The following ABCE1 variants were observed in gnomAD, a reference collection of about 807,000 sequenced individuals.
ABCE1 encodes the protein ATP-binding cassette sub-family E member 1.
ABCE1 carries 22 observed loss-of-function variants against 83.4 expected under a neutral mutation model. That is an observed-to-expected ratio of 0.26 (90% CI 0.19 to 0.38). The LOEUF is 0.38. Ranked by LOEUF, ABCE1 falls within the 10% of genes least tolerant of loss-of-function variation. The probability of loss-of-function intolerance (pLI) is 1.00; values close to 1 mark genes in which losing one functional copy is unlikely to be tolerated. For missense variants in ABCE1, 330 were observed against 721.9 expected (o/e 0.46, Z 6.22); for synonymous variants, 204 against 233.7 (o/e 0.87, Z 1.16).
intron 15 of ABCE1, 35 bp from the exon 16 acceptor site, chr4:145,123,443 G>T: frequency 6.3e-7 from 1 of 1,590,332 alleles, no homozygotes; most frequent in Non-Finnish European, 8.6e-7. Flanking sequence ...TTTTATGATA[G>T]AAAGCTATAA....
chr4:145,112,797 G>GT (rs1441686553), intron 9 of ABCE1, among the ~76,000 whole-genome samples: 19 of 152,260 alleles, frequency 1.2e-4, no homozygotes, highest in African/African-American at 4.6e-4. Flanking sequence ...GGTTTGTAGA[G>GT]TTTTCAGATT....
intron 10 of ABCE1, among the ~76,000 whole-genome samples, chr4:145,117,804 A>C (rs1749643890): frequency 6.6e-6 from 1 of 151,780 alleles, no homozygotes; most frequent in African/African-American, 2.4e-5. Flanking sequence ...TCATGTTTTA[A>C]ATTTATCTGT....
chr4:145,117,365 T>G lies in ABCE1; in HGVS notation c.873T>G (p.Gly291=), dbSNP rs778011686. 7 of 1,611,288 alleles carry G rather than the reference T, an allele frequency of 4.3e-6. No individual in the cohort carries two copies. In the East Asian group the frequency reaches 1.6e-4, roughly 36 times the overall value. The part of the protein sequence containing the change: ...YLSDFICCLY[G]VPSAYGVVTM... ...CCGACTTCATCTGCTGTTTATATGG[T>G]GTACCAAGCGCCTATGGAGTTGTCA... Residue 291 remains glycine (G), a synonymous_variant, in exon 10 of 18, where the codon GGT becomes GGG. Coordinates refer to ENST00000296577, the MANE Select transcript of ABCE1 (RefSeq NM_002940.3).
rs187679286 is a variant in ABCE1, at chr4:145,098,331, C to G, written c.-116C>G. ...TGGGCACCGCCATTTTGGCCGGTGG[C>G]CGTGAGAACACGCTGTGTGGCTGAA... On this transcript the variant is annotated 5_prime_UTR_variant, in exon 1 of 18. Coordinates refer to ENST00000296577, the MANE Select transcript of ABCE1 (RefSeq NM_002940.3). 13 of 152,560 alleles carry G rather than the reference C, an allele frequency of 8.5e-5. No homozygotes were observed. Among genetic ancestry groups the G allele is most frequent in the Admixed American group, 7.2e-4 (11 of 15,306 alleles). 9.5% of individuals were successfully genotyped at this position (152,560 alleles called of 1,614,324 possible).
intron 8 of ABCE1, 123 bp downstream of exon 8, chr4:145,111,187 C>T (rs917872890): frequency 8.4e-6 from 5 of 596,884 alleles, no homozygotes; most frequent in South Asian, 2.7e-5. Context: ...TTCCTAATTT[C>T]GAGGTAAGAT....
chr4:145,104,419 G>A lies in ABCE1; in HGVS notation c.7G>A (p.Asp3Asn), dbSNP rs1240044419. 1 of 1,597,882 alleles carries A rather than the reference G, an allele frequency of 6.3e-7. No individual in the cohort carries two copies. Among genetic ancestry groups the A allele is most frequent in the South Asian group, 1.1e-5 (1 of 88,302 alleles). Reference sequence around the variant, plus strand: ...GATATTCTTTCGCCCAGTTATGGCAGACAAGTTAACGAGAATTGCTATTGT... The same window carrying A: ...GATATTCTTTCGCCCAGTTATGGCAAACAAGTTAACGAGAATTGCTATTGT... MA[D>N]KLTRIAIVNH... Residue 3 changes from aspartate (D) to asparagine (N), a missense_variant, in exon 2 of 18, where the codon GAC becomes AAC. Transcript: ENST00000296577.
intron 10 of ABCE1, 28 bp from the exon 11 acceptor site, chr4:145,119,904 T>C (rs1263991814): frequency 6.4e-7 from 1 of 1,563,904 alleles, no homozygotes; most frequent in Non-Finnish European, 8.8e-7. Flanking sequence ...TAATGATTTC[T>C]CCCGGTTGAC....
At chr4:145,124,517 T>G (rs761420658) in intron 16 of ABCE1, among the ~76,000 whole-genome samples, 2 of 152,152 alleles carry the variant, frequency 1.3e-5, no homozygotes, top group Non-Finnish European at 2.9e-5. Flanking sequence ...ATTTAAGAAC[T>G]CACTTGGGTA....
chr4:145,106,177 T>C (rs1749297347), intron 3 of ABCE1, among the ~76,000 whole-genome samples: 1 of 152,002 alleles, frequency 6.6e-6, no homozygotes, highest in Non-Finnish European at 1.5e-5. Context: ...ATTAGGCTTT[T>C]GACTCATGAA....
intron 9 of ABCE1, among the ~76,000 whole-genome samples, chr4:145,112,942 C>T (rs1222091024): frequency 1.3e-5 from 2 of 152,120 alleles, no homozygotes; most frequent in Non-Finnish European, 2.9e-5. Context: ...AAAGCTGTGA[C>T]CAGACCCCAG....
chr4:145,105,137 C>T (rs35771064), intron 2 of ABCE1, among the ~76,000 whole-genome samples: 4 of 151,964 alleles, frequency 2.6e-5, no homozygotes, highest in African/African-American at 9.7e-5. Context: ...TTCCATTATC[C>T]CTACTACCAT....
chr4:145,108,834 G>A, intron 4 of ABCE1, among the ~76,000 whole-genome samples: 1 of 152,124 alleles, frequency 6.6e-6, no homozygotes, highest in East Asian at 1.9e-4. Flanking sequence ...TATATGTAAA[G>A]AAGAAATTTA....
chr4:145,105,233 C>T (rs1472808700), intron 2 of ABCE1, among the ~76,000 whole-genome samples: 1 of 152,010 alleles, frequency 6.6e-6, no homozygotes, highest in African/African-American at 2.4e-5. Context: ...GTTTAATGCT[C>T]TGCCTTACCA....
Position 145,110,147 on chromosome 4 carries a change from T to G in ABCE1, c.450T>G (p.Ser150=). 6.2e-7 allele frequency: 1 copy of G among 1,604,424 alleles called. No individual in the cohort carries two copies. Among genetic ancestry groups the G allele is most frequent in the Non-Finnish European group, 8.5e-7 (1 of 1,177,034 alleles). Residue 150 remains serine (S), a synonymous_variant, in exon 6 of 18, where the codon TCT becomes TCG. Coordinates refer to ENST00000296577, the MANE Select transcript of ABCE1 (RefSeq NM_002940.3). ...AGATTTTGACTTATTTCCGTGGATC[T>G]GAATTACAAAATTACTTTACAAAGA... ...WQEILTYFRG[S]ELQNYFTKIL...
chr4:145,126,511 A>G (rs536542162), intron 17 of ABCE1, among the ~76,000 whole-genome samples: 3 of 152,040 alleles, frequency 2.0e-5, no homozygotes, highest in Non-Finnish European at 2.9e-5. Flanking sequence ...TGCCCGTGCT[A>G]GTCTTGAACT....
intron 10 of ABCE1, among the ~76,000 whole-genome samples, chr4:145,118,037 C>T (rs931071611): frequency 5.9e-5 from 9 of 151,654 alleles, no homozygotes; most frequent in Non-Finnish European, 1.2e-4. Context: ...TACTCTCTGC[C>T]TTCAATACCT....
chr4:145,106,648 T>C (rs544775622), intron 3 of ABCE1, among the ~76,000 whole-genome samples: 1 of 152,218 alleles, frequency 6.6e-6, no homozygotes, highest in East Asian at 1.9e-4. Context: ...AGAAGTAATG[T>C]ATAATTCCTG....
intron 8 of ABCE1, among the ~76,000 whole-genome samples, chr4:145,111,994 T>C (rs1346017114): frequency 1.3e-5 from 2 of 152,186 alleles, no homozygotes; most frequent in African/African-American, 4.8e-5. Flanking sequence ...AATTTGTAAA[T>C]TAGCCTAACC....
chr4:145,099,485 G>A (rs1394550688), intron 1 of ABCE1, among the ~76,000 whole-genome samples: 2 of 152,172 alleles, frequency 1.3e-5, no homozygotes, highest in Non-Finnish European at 1.5e-5. Context: ...ACCAAAAGCT[G>A]TTTGGGGTTT....
Sources: gnomAD v4.1 joint callset for allele counts (sites outside exome capture counted in the v4.1 genomes callset) on GRCh38, gnomAD v4.1.1 for gene constraint, MANE v1.5 for transcripts, NCBI Gene and HGNC (gene_info 2026-07-23, HGNC 2026-07-21) for gene names.